CCDC27: variants seen among roughly 807,000 people sequenced by gnomAD.
CCDC27 encodes the protein coiled-coil domain containing 27.
CCDC27 carries 80 observed loss-of-function variants against 80.3 expected under a neutral mutation model. The ratio of observed to expected loss-of-function variants is 1.00; its 90% CI spans 0.83 to 1.20. The LOEUF (loss-of-function observed/expected upper bound fraction) is 1.20, where lower values mean the gene tolerates loss of function less well. Ranked by LOEUF, CCDC27 falls within the 50% of genes most tolerant of loss-of-function variation. The pLI is 0.00. For synonymous variants in CCDC27, 342 were observed against 334.3 expected (o/e 1.02, Z -0.25); for missense variants, 815 against 809.4 (o/e 1.01, Z -0.08).
intron 3 of CCDC27, 142 bp downstream of exon 3, chr1:3,755,709 C>T (rs935506252): frequency 2.2e-5 from 15 of 690,664 alleles, no homozygotes; most frequent in Non-Finnish European, 3.0e-5. Flanking sequence ...GAAAGGCCTC[C>T]GGGCCTCCCT....
intron 3 of CCDC27, chr1:3,756,440 G>C: frequency 3.6e-6 from 1 of 276,470 alleles, no homozygotes; most frequent in Non-Finnish European, 7.0e-6. Flanking sequence ...CCCTCGTCCC[G>C]ACTCCCAGCT....
At chr1:3,755,657 G>A in intron 3 of CCDC27, 90 bp downstream of exon 3, 2 of 1,113,214 alleles carry the variant, frequency 1.8e-6, no homozygotes, top group Non-Finnish European at 2.7e-6. Context: ...GTGCCCTGCG[G>A]AATTCCCTCC....
At chr1:3,770,302 C>G (rs1423683711) in intron 11 of CCDC27, among the ~76,000 whole-genome samples, 1 of 152,188 alleles carries the variant, frequency 6.6e-6, no homozygotes, top group Non-Finnish European at 1.5e-5. Flanking sequence ...GCAGACCCCT[C>G]CCACCCCGGC....
In CCDC27 at chr1:3,767,573, T is replaced by A. The variant is rs143662759; in HGVS notation, c.1743+128T>A. The A allele has an allele frequency of 7.9e-4, 567 of 720,476 alleles. 2 individuals carry two copies. The African/African-American group carries it at 9.2e-3, about 12-fold the overall frequency. 44.6% of individuals were successfully genotyped at this position (720,476 alleles called of 1,614,324 possible). On this transcript the variant is annotated intron_variant, in intron 10 of 11. Transcript: ENST00000294600. ...GCTGGGGCTCGGGCTGGTTCTGCCG[T>A]GTACACCAGCATCCACACAGAGTTG...
intron 4 of CCDC27, among the ~76,000 whole-genome samples, chr1:3,759,737 C>T (rs1643044009): frequency 1.3e-5 from 2 of 152,328 alleles, no homozygotes; most frequent in Admixed American, 1.3e-4. Context: ...TTGTTTACTC[C>T]TGCAACTCTA....
chr1:3,758,377 C>T (rs1215242927), intron 4 of CCDC27, among the ~76,000 whole-genome samples: 5 of 151,776 alleles, frequency 3.3e-5, no homozygotes, highest in African/African-American at 7.3e-5. Context: ...TTAGTAGAGA[C>T]GGGTTTCACC....
intron 3 of CCDC27, chr1:3,755,805 G>A (rs1448337616): frequency 7.8e-6 from 4 of 512,082 alleles, no homozygotes; most frequent in Non-Finnish European, 1.4e-5. Context: ...AAAAATCGTA[G>A]TTGAAAGTTT....
At position 3,761,388 on chromosome 1, in the gene CCDC27, G is replaced by GT. The variant is rs1557624825; in HGVS notation, c.819_820insT (p.Lys274Ter). 11 of 1,614,110 alleles carry GT rather than the reference G, an allele frequency of 6.8e-6. No homozygotes were observed. The South Asian group carries it at 1.2e-4, about 18-fold the overall frequency. ...TGAAGATGCAGCTGAAATGCCTTCT[G>GT]AAAGGCAAAGGCCAAGAGACATCCA... On this transcript the variant is annotated frameshift_variant, in exon 5 of 12. Coordinates refer to ENST00000294600, the MANE Select transcript of CCDC27 (RefSeq NM_152492.3). LOFTEE classifies it high-confidence loss of function. This position sits in a 1 kb window ranked among gnomAD's most constrained non-coding sequence, Gnocchi z 5.0.
chr1:3,756,731 A>C lies in CCDC27; in HGVS notation c.554-2A>C. 1 of 1,613,836 alleles carries C rather than the reference A, an allele frequency of 6.2e-7. No homozygotes were observed. Among genetic ancestry groups the C allele is most frequent in the Non-Finnish European group, 8.5e-7 (1 of 1,179,872 alleles). ...CTCACTTGGCCTCCGCTGTCGCCAC[A>C]GGGTACCTCCTTCCCTTCAGTAAGA... On this transcript the variant is annotated splice_acceptor_variant, in intron 3 of 11. Coordinates refer to ENST00000294600, the MANE Select transcript of CCDC27 (RefSeq NM_152492.3). LOFTEE classifies it high-confidence loss of function.
Position 3,763,520 on chromosome 1 carries a change from C to A in CCDC27, c.1321+46C>A. ...ACTGGGCTTTGGCCACTCAGTGGTT[C>A]CCGGCCCAGGAGCTGGGACGCCCAG... is the stretch of plus-strand genomic sequence containing the variant. On this transcript the variant is annotated intron_variant, in intron 7 of 11. Transcript: ENST00000294600. The surrounding 1 kb of genome is among the most constrained non-coding windows in gnomAD (Gnocchi z 7.5). 2 of 1,553,506 alleles carry A rather than the reference C, an allele frequency of 1.3e-6. No homozygotes were observed. Among genetic ancestry groups the A allele is most frequent in the South Asian group, 1.2e-5 (1 of 80,854 alleles).
In CCDC27 at chr1:3,761,596, C is replaced by G. The variant is rs572691657; in HGVS notation, c.861+166C>G. ...GGTTCTCAGGGTTCTGATCAACAGGCAGGGGAGAGGCGAACAGAGGCACGA... is the reference window on the plus strand; with the variant it reads ...GGTTCTCAGGGTTCTGATCAACAGGGAGGGGAGAGGCGAACAGAGGCACGA... On this transcript the variant is annotated intron_variant, in intron 5 of 11. Coordinates refer to ENST00000294600, the MANE Select transcript of CCDC27 (RefSeq NM_152492.3). This position sits in a 1 kb window ranked among gnomAD's most constrained non-coding sequence, Gnocchi z 5.0. 9.9e-5 allele frequency among the ~76,000 whole-genome samples: 15 copies of G among 152,182 alleles called. No individual in the cohort carries two copies. The highest frequency in any genetic ancestry group is 3.4e-4 in the African/African-American group (14 of 41,536).
Position 3,762,707 on chromosome 1 carries a change from T to A in CCDC27, c.949T>A (p.Trp317Arg). The A allele has an allele frequency of 6.5e-7, 1 of 1,548,360 alleles. No individual in the cohort carries two copies. Among genetic ancestry groups the A allele is most frequent in the Non-Finnish European group, 8.7e-7 (1 of 1,146,376 alleles). ...ACATGAGGAGGAGCTGCAGCACTGG[T>A]GGCAGGTGCGGGCCGCCTGGAGAGC... is the stretch of plus-strand genomic sequence containing the variant. The part of the protein sequence containing the change: ...SRHEEELQHW[W>R]QMQEESAAPE... The change falls in exon 6 of 12, where the codon TGG becomes AGG. Residue 317 changes from tryptophan (W) to arginine (R), a missense_variant. Trp to Arg is a moderately radical substitution (Grantham distance 101, BLOSUM62 -3). Coordinates refer to ENST00000294600, the MANE Select transcript of CCDC27 (RefSeq NM_152492.3).
Position 3,760,200 on chromosome 1 carries a change from CT to C in CCDC27, c.712-1073del, listed in dbSNP as rs955421506. Among the ~76,000 whole-genome samples the C allele has an allele frequency of 1.1e-4, 16 of 152,106 alleles. No homozygotes were observed. The highest frequency in any genetic ancestry group is 2.6e-4 in the Admixed American group (4 of 15,274). On this transcript the variant is annotated intron_variant, in intron 4 of 11. Transcript: ENST00000294600. The surrounding 1 kb of genome is among the most constrained non-coding windows in gnomAD (Gnocchi z 4.3). The stretch of plus-strand genomic sequence containing the variant: ...TGGGTGATGAAATGTGATTTCTGCA[CT>C]TTTTTTTCCCTTTAACTTTGTATTT...
rs191526542 is a variant in CCDC27 at position 3,763,167 on chromosome 1, G to A, written c.1014G>A (p.Glu338=). The part of the protein sequence containing the change: ...RGKEPDLGGG[E]EDEGLEGEPD... ...AGGAGCCCGACCTGGGAGGTGGCGA[G>A]GAGGACGAGGGCCTGGAAGGGGAGC... The change falls in exon 7 of 12, where the codon GAG becomes GAA. Residue 338 remains glutamate (E), a synonymous_variant. Transcript: ENST00000294600. The surrounding 1 kb of genome is among the most constrained non-coding windows in gnomAD (Gnocchi z 7.5). The A allele has an allele frequency of 4.7e-5, 71 of 1,495,144 alleles. No homozygotes were observed. The Admixed American group carries it at 1.3e-3, about 27-fold the overall frequency. The allele number at this position is 1,495,144 out of a possible 1,614,324, so 92.6% of individuals were successfully genotyped here.
chr1:3,755,550 C>G lies in CCDC27; in HGVS notation c.536C>G (p.Ser179Ter). Residue 179 changes from serine to a stop codon, truncating the protein, a stop_gained, in exon 3 of 12, where the codon TCA (serine) becomes TGA (stop). Coordinates refer to ENST00000294600, the MANE Select transcript of CCDC27 (RefSeq NM_152492.3). LOFTEE classifies it high-confidence loss of function. ...TQDLFLARRG[S>*]DTNVDGYLLP... ...GACCTGTTCTTGGCCAGGCGGGGCT[C>G]AGACACGAACGTGGACGGTGAGGGA... 6.2e-7 allele frequency: 1 copy of G among 1,613,942 alleles called. No homozygotes were observed. Among genetic ancestry groups the G allele is most frequent in the Non-Finnish European group, 8.5e-7 (1 of 1,179,942 alleles).
chr1:3,766,683 G>A lies in CCDC27; in HGVS notation c.1530+71G>A. The A allele has an allele frequency of 1.6e-6, 2 of 1,277,056 alleles. No individual in the cohort carries two copies. The highest frequency in any genetic ancestry group is 1.9e-4 in the Middle Eastern group (1 of 5,136). 79.1% of individuals were successfully genotyped at this position (1,277,056 alleles called of 1,614,324 possible). A position where few individuals can be genotyped will look rare whatever the true frequency, so the allele number is the denominator to read the frequency against. ...TACTGTAAGTCCCAACACAGCAAAG[G>A]GCAAGACGGGGCTGGAGCGTCTTCA... On this transcript the variant is annotated intron_variant, in intron 9 of 11. Coordinates refer to ENST00000294600, the MANE Select transcript of CCDC27 (RefSeq NM_152492.3). The surrounding 1 kb of genome is among the most constrained non-coding windows in gnomAD (Gnocchi z 6.1).
rs541311686 is a variant in CCDC27 at position 3,761,188 on chromosome 1, C to T, written c.712-93C>T. 2.0e-6 allele frequency: 3 copies of T among 1,478,150 alleles called. No individual in the cohort carries two copies. The highest frequency in any genetic ancestry group is 2.8e-6 in the Non-Finnish European group (3 of 1,086,962). 91.6% of individuals were successfully genotyped at this position (1,478,150 alleles called of 1,614,324 possible). A position where few individuals can be genotyped will look rare whatever the true frequency, so the allele number is the denominator to read the frequency against. On this transcript the variant is annotated intron_variant, in intron 4 of 11. Transcript: ENST00000294600. The surrounding 1 kb of genome is among the most constrained non-coding windows in gnomAD (Gnocchi z 5.0). ...CTGGGGTTTTGGGGTACCACGACAG[C>T]AGATCTGCTCCTCCTGGGTGGGCTG...
rs1183849801 is a variant in CCDC27 at position 3,756,800 on chromosome 1, G to A, written c.621G>A (p.Gln207=). ...FDYLRKRRKS[Q]TLSPVTSSSV... ...ACTTGCGGAAGAGGAGAAAATCCCA[G>A]ACTTTGAGTCCGGTCACCAGCAGCT... Residue 207 remains glutamine (Q), a synonymous_variant, in exon 4 of 12, where the codon CAG becomes CAA. Coordinates refer to ENST00000294600, the MANE Select transcript of CCDC27 (RefSeq NM_152492.3). 6.2e-7 allele frequency: 1 copy of A among 1,614,088 alleles called. No individual in the cohort carries two copies. The highest frequency in any genetic ancestry group is 1.3e-5 in the African/African-American group (1 of 75,056).
rs768430493 is a variant in CCDC27 at position 3,764,225 on chromosome 1, C to T, written c.1452+389C>T. ...GCCCACTCTTGTCGTTTTTGTTAAG[C>T]GTTTTAGGTTTTTACTCTTATCAAA... is the stretch of plus-strand genomic sequence containing the variant. On this transcript the variant is annotated intron_variant, in intron 8 of 11. Transcript: ENST00000294600. 6.6e-5 allele frequency among the ~76,000 whole-genome samples: 10 copies of T among 152,142 alleles called. No homozygotes were observed. In the East Asian group the frequency reaches 9.6e-4, roughly 15 times the overall value.
Sources: gnomAD v4.1 joint callset for allele counts (sites outside exome capture counted in the v4.1 genomes callset) on GRCh38, gnomAD v4.1.1 for gene constraint, Gnocchi (gnomAD v3.1) non-coding constraint, MANE v1.5 for transcripts, NCBI Gene and HGNC (gene_info 2026-07-23, HGNC 2026-07-21) for gene names.